Variants in PPARG observed in about 807,000 individuals in gnomAD.
PPARG encodes peroxisome proliferator-activated receptor gamma.
A neutral mutation model predicts 39.2 loss-of-function variants in PPARG; 17 were observed. That is an observed-to-expected ratio of 0.43 (90% CI 0.30 to 0.65). The LOEUF (loss-of-function observed/expected upper bound fraction) is 0.65, where lower values mean the gene tolerates loss of function less well. Among genes scored for constraint, PPARG ranks in the 30% least tolerant of loss-of-function variants. The pLI, the probability that PPARG is intolerant of heterozygous loss-of-function variation, is 0.13. For missense variants in PPARG, 406 were observed against 585.9 expected, an observed-to-expected ratio of 0.69 and a Z score of 3.17; for synonymous variants, 223 against 215.7, an observed-to-expected ratio of 1.03 and a Z score of -0.30.
intron 2 of PPARG, among the ~76,000 whole-genome samples, chr3:12,360,960 T>G (rs1452080676): frequency 6.6e-6 from 1 of 152,184 alleles, no homozygotes; most frequent in East Asian, 1.9e-4. Flanking sequence ...ATAGAGTATG[T>G]TGAGCTTCAG....
At chr3:12,305,826 G>A (rs1416126218) in intron 1 of PPARG, 4 of 152,130 alleles carry the variant, frequency 2.6e-5, no homozygotes, top group Non-Finnish European at 4.4e-5. Flanking sequence ...CTTAGAGAAC[G>A]TTTTCTCTCC....
In PPARG at chr3:12,365,834, G is replaced by A. The variant is rs554681862; in HGVS notation, c.-8-13870G>A. Among the ~76,000 whole-genome samples, 161 of 152,214 alleles carry A rather than the reference G, an allele frequency of 1.1e-3. 1 individual carries two copies. Among genetic ancestry groups the A allele is most frequent in the South Asian group, 1.7e-3 (8 of 4,812 alleles). ...CTAGTAAGGCTTGAAGTCAGGTAAT[G>A]TCAGTCCTTCGACTTTATTCTTCTT... On this transcript the variant is annotated intron_variant, in intron 2 of 7. Coordinates refer to ENST00000651735, the MANE Select transcript of PPARG (RefSeq NM_138711.6).
intron 2 of PPARG, among the ~76,000 whole-genome samples, chr3:12,342,130 C>T (rs1230903325): frequency 6.6e-6 from 1 of 152,136 alleles, no homozygotes; most frequent in Non-Finnish European, 1.5e-5. Flanking sequence ...TACACATCCC[C>T]TATGGTATAT....
intron 2 of PPARG, among the ~76,000 whole-genome samples, chr3:12,313,236 GATA>G (rs1559489760): frequency 1.3e-5 from 2 of 152,102 alleles, no homozygotes; most frequent in African/African-American, 4.8e-5. Flanking sequence ...TCATCAGATA[GATA>G]GATACAGAAA....
chr3:12,306,053 T>G (rs545707888), intron 1 of PPARG: 4 of 152,348 alleles, frequency 2.6e-5, no homozygotes, highest in African/African-American at 9.6e-5. Flanking sequence ...TCAGCAGCTA[T>G]GTACACCAGC....
At chr3:12,389,742 A>C (rs867739126) in intron 4 of PPARG, among the ~76,000 whole-genome samples, 39 of 151,984 alleles carry the variant, frequency 2.6e-4, no homozygotes, top group African/African-American at 8.9e-4. Flanking sequence ...AATACAACAA[A>C]AAAAAAGAGC....
rs191414952 is a variant in PPARG, at chr3:12,380,479, T to G, written c.220+548T>G. 9.8e-5 allele frequency among the ~76,000 whole-genome samples: 15 copies of G among 152,304 alleles called. 2 individuals are homozygous for G. The East Asian group carries it at 2.5e-3, about 25-fold the overall frequency. ...CTAAATCAACATCAAAACATCAGAC[T>G]CAAGAAAAACTAGAACTGCACTTTT... On this transcript the variant is annotated intron_variant, in intron 3 of 7. Transcript: ENST00000651735.
chr3:12,315,467 A>G (rs1559490579), intron 2 of PPARG, among the ~76,000 whole-genome samples: 1 of 152,204 alleles, frequency 6.6e-6, no homozygotes, highest in Non-Finnish European at 1.5e-5. Context: ...AACTCCCTCC[A>G]CTATCTTTGC....
chr3:12,402,950 A>G (rs529909467), intron 5 of PPARG, among the ~76,000 whole-genome samples: 2 of 152,136 alleles, frequency 1.3e-5, no homozygotes, highest in South Asian at 2.1e-4. Context: ...TATACTTTAG[A>G]TCATCTCTAG....
At chr3:12,288,501 G>C (rs1249796209), upstream of PPARG, among the ~76,000 whole-genome samples, 1 of 151,972 alleles carries the variant, frequency 6.6e-6, no homozygotes, top group Non-Finnish European at 1.5e-5. Context: ...CGCAAGCGTC[G>C]GGAGCCGCTC....
chr3:12,293,149 A>AT (rs2046691427), intron 1 of PPARG, among the ~76,000 whole-genome samples: 1 of 151,972 alleles, frequency 6.6e-6, no homozygotes, highest in African/African-American at 2.4e-5. Flanking sequence ...AGTGCCATGA[A>AT]TTTTTTTTCC....
intron 1 of PPARG, among the ~76,000 whole-genome samples, chr3:12,294,730 A>G (rs1489292896): frequency 6.6e-6 from 1 of 152,122 alleles, no homozygotes; most frequent in African/African-American, 2.4e-5. Flanking sequence ...CCCCACCTCT[A>G]CTAAAAATAC....
chr3:12,393,734 G>A (rs1402126603), intron 5 of PPARG, among the ~76,000 whole-genome samples: 1 of 151,992 alleles, frequency 6.6e-6, no homozygotes, highest in African/African-American at 2.4e-5. Flanking sequence ...TAAGAAGGCA[G>A]TCTTCATCTA....
chr3:12,316,415 G>T (rs76865100), intron 2 of PPARG, among the ~76,000 whole-genome samples: 5,507 of 152,132 alleles, frequency 0.036, 154 homozygotes, highest in Non-Finnish European at 0.053. Flanking sequence ...AAAGTGGAAT[G>T]GTGCTTACCA....
At chr3:12,402,026 T>A (rs2050493199) in intron 5 of PPARG, among the ~76,000 whole-genome samples, 2 of 152,248 alleles carry the variant, frequency 1.3e-5, no homozygotes, top group South Asian at 4.1e-4. Context: ...TATCTTTGGC[T>A]GTTTGTCCAT....
intron 2 of PPARG, among the ~76,000 whole-genome samples, chr3:12,373,085 C>T (rs1284117452): frequency 4.6e-5 from 7 of 152,096 alleles, no homozygotes; most frequent in Admixed American, 6.5e-5. Flanking sequence ...GGTAATTGCA[C>T]GGAGTAACAA....
intron 4 of PPARG, 37 bp from the exon 5 acceptor site, chr3:12,392,577 A>G (rs2050114710): frequency 1.2e-6 from 2 of 1,612,386 alleles, no homozygotes; most frequent in Non-Finnish European, 8.5e-7. Context: ...ATGTGTCATA[A>G]AGACTTAAAA....
chr3:12,336,149 G>A (rs1317414710), intron 2 of PPARG, among the ~76,000 whole-genome samples: 1 of 152,180 alleles, frequency 6.6e-6, no homozygotes, highest in East Asian at 1.9e-4. Context: ...GTATCAAAGG[G>A]AAAATGATAC....
chr3:12,370,224 A>G (rs2049160727), intron 2 of PPARG, among the ~76,000 whole-genome samples: 1 of 150,326 alleles, frequency 6.7e-6, no homozygotes, highest in African/African-American at 2.4e-5. Flanking sequence ...TGTTCTATTG[A>G]TTTTCTAGCT....
Sources: gnomAD v4.1 joint callset for allele counts (sites outside exome capture counted in the v4.1 genomes callset) on GRCh38, gnomAD v4.1.1 for gene constraint, MANE v1.5 for transcripts, NCBI Gene and HGNC (gene_info 2026-07-23, HGNC 2026-07-21) for gene names.